The following NRXN1 variants were observed in gnomAD, a reference collection of about 807,000 sequenced individuals.
NRXN1 encodes the protein neurexin-1.
In NRXN1, 39 loss-of-function variants were observed where a neutral mutation model predicts 150.9. That is an observed-to-expected ratio of 0.26 (90% CI 0.20 to 0.34). The LOEUF (loss-of-function observed/expected upper bound fraction) is 0.34. Ranked by LOEUF, NRXN1 falls within the 10% of genes least tolerant of loss-of-function variation. NRXN1 has a pLI of 1.00. For missense variants in NRXN1, 1,815 were observed against 1,949.9 expected, an observed-to-expected ratio of 0.93 and a Z score of 1.30; for synonymous variants, 924 against 757.0, an observed-to-expected ratio of 1.22 and a Z score of -3.62.
chr2:50,031,891 T>G (rs1689230895), intron 21 of NRXN1, among the ~76,000 whole-genome samples: 1 of 152,072 alleles, frequency 6.6e-6, no homozygotes, highest in Non-Finnish European at 1.5e-5. Flanking sequence ...TGTCTCCTGG[T>G]CTCACTAGTT....
chr2:50,283,596 A>C (rs1397806982), intron 17 of NRXN1, among the ~76,000 whole-genome samples: 1 of 152,182 alleles, frequency 6.6e-6, no homozygotes, highest in East Asian at 1.9e-4. Flanking sequence ...ATTAGTATTC[A>C]TTATACTACT....
chr2:50,178,684 G>A (rs906680423), intron 18 of NRXN1, among the ~76,000 whole-genome samples: 2 of 152,108 alleles, frequency 1.3e-5, no homozygotes, highest in African/African-American at 4.8e-5. Context: ...AACAAGCTAT[G>A]AGTAGATTTC....
At chr2:50,457,277 T>C (rs2104579399) in intron 17 of NRXN1, among the ~76,000 whole-genome samples, 1 of 152,240 alleles carries the variant, frequency 6.6e-6, no homozygotes, top group East Asian at 1.9e-4. Context: ...GAGAAAAGCA[T>C]GGAAAAACAT....
intron 2 of NRXN1, among the ~76,000 whole-genome samples, chr2:50,973,920 A>C (rs1472853875): frequency 6.6e-6 from 1 of 152,152 alleles, no homozygotes; most frequent in African/African-American, 2.4e-5. Flanking sequence ...CTGCATATTA[A>C]AAACTATGGC....
At chr2:51,006,251 T>G (rs1041888587) in intron 2 of NRXN1, among the ~76,000 whole-genome samples, 5 of 151,834 alleles carry the variant, frequency 3.3e-5, no homozygotes, top group African/African-American at 1.2e-4. Flanking sequence ...TGTAGGGACA[T>G]GGATGAAGCT....
intron 22 of NRXN1, among the ~76,000 whole-genome samples, chr2:49,925,339 C>CAGAT (rs1668920158): frequency 6.6e-6 from 1 of 151,134 alleles, no homozygotes; most frequent in Admixed American, 6.6e-5. Flanking sequence ...ACATCTCTCC[C>CAGAT]AGATATGCAA....
intron 17 of NRXN1, among the ~76,000 whole-genome samples, chr2:50,404,035 G>A (rs2103972262): frequency 6.6e-6 from 1 of 152,154 alleles, no homozygotes; most frequent in South Asian, 2.1e-4. Context: ...GAAAATGAGT[G>A]GATGGGTATT....
intron 17 of NRXN1, among the ~76,000 whole-genome samples, chr2:50,321,604 G>A (rs1454471927): frequency 2.6e-5 from 4 of 152,114 alleles, no homozygotes; most frequent in East Asian, 1.9e-4. Flanking sequence ...TTCGAGAAAC[G>A]GAAGGTATTG....
At chr2:50,568,346 G>C (rs917716439) in intron 8 of NRXN1, among the ~76,000 whole-genome samples, 1 of 152,070 alleles carries the variant, frequency 6.6e-6, no homozygotes, top group Non-Finnish European at 1.5e-5. Context: ...AATAAACAAA[G>C]TGAAGAGACA....
intron 18 of NRXN1, among the ~76,000 whole-genome samples, chr2:50,131,461 A>G (rs1377101207): frequency 6.6e-6 from 1 of 152,162 alleles, no homozygotes. Flanking sequence ...GTTACAATTT[A>G]GGAGGTTTAA....
chr2:50,387,756 T>A (rs2081420918), intron 17 of NRXN1, among the ~76,000 whole-genome samples: 1 of 152,044 alleles, frequency 6.6e-6, no homozygotes, highest in Non-Finnish European at 1.5e-5. Flanking sequence ...AAAAAACAGG[T>A]CCTGTTAATT....
intron 18 of NRXN1, among the ~76,000 whole-genome samples, chr2:50,235,640 G>C (rs1326573207): frequency 1.3e-5 from 2 of 152,042 alleles, no homozygotes; most frequent in African/African-American, 2.4e-5. Flanking sequence ...TTTAGAACTG[G>C]TACCCGATGA....
intron 5 of NRXN1, among the ~76,000 whole-genome samples, chr2:50,788,905 C>T (rs947943335): frequency 2.0e-5 from 3 of 152,072 alleles, no homozygotes; most frequent in African/African-American, 7.2e-5. Flanking sequence ...GAAGGTTTCT[C>T]AATAAAGGTG....
intron 17 of NRXN1, among the ~76,000 whole-genome samples, chr2:50,452,775 C>G (rs774867108): frequency 2.6e-5 from 4 of 152,094 alleles, no homozygotes; most frequent in African/African-American, 4.8e-5. Flanking sequence ...GTTTAAATCT[C>G]TTTACAGACA....
intron 17 of NRXN1, among the ~76,000 whole-genome samples, chr2:50,454,194 C>T (rs182246657): frequency 2.8e-3 from 432 of 152,042 alleles, no homozygotes; most frequent in Non-Finnish European, 4.0e-3. Flanking sequence ...GGCGTAGTGG[C>T]GCATGCCTGT....
intron 19 of NRXN1, among the ~76,000 whole-genome samples, chr2:50,058,110 A>T (rs545596024): frequency 1.7e-4 from 26 of 152,330 alleles, no homozygotes; most frequent in African/African-American, 6.0e-4. Context: ...CAAACATTTG[A>T]CTAGTACTAA....
intron 5 of NRXN1, among the ~76,000 whole-genome samples, chr2:50,873,107 A>G (rs1678038381): frequency 6.6e-6 from 1 of 151,922 alleles, no homozygotes; most frequent in Non-Finnish European, 1.5e-5. Context: ...ACCATTCAGT[A>G]GCTATTGGGT....
At chr2:50,584,200 G>C (rs1213587464) in intron 8 of NRXN1, among the ~76,000 whole-genome samples, 4 of 152,266 alleles carry the variant, frequency 2.6e-5, no homozygotes, top group East Asian at 3.9e-4. Flanking sequence ...AAAGATAATG[G>C]GTTCAAAGGT....
chr2:50,613,287 G>C (rs1678490083), intron 8 of NRXN1, among the ~76,000 whole-genome samples: 1 of 152,148 alleles, frequency 6.6e-6, no homozygotes, highest in South Asian at 2.1e-4. Flanking sequence ...AGAGAAGCTA[G>C]AAAATTGTCA....
Sources: gnomAD v4.1 joint callset for allele counts (sites outside exome capture counted in the v4.1 genomes callset) on GRCh38, gnomAD v4.1.1 for gene constraint, MANE v1.5 for transcripts, NCBI Gene and HGNC (gene_info 2026-07-23, HGNC 2026-07-21) for gene names.